The following NRXN1 variants were observed in gnomAD, a reference collection of about 807,000 sequenced individuals.
The protein encoded by NRXN1 is neurexin 1, also known as neurexin-1.
NRXN1 carries 39 observed loss-of-function variants against 150.9 expected under a neutral mutation model. That is an observed-to-expected ratio of 0.26 (90% CI 0.20 to 0.34). The LOEUF (loss-of-function observed/expected upper bound fraction) is 0.34. Among genes scored for constraint, NRXN1 ranks in the 10% least tolerant of loss-of-function variants. NRXN1 has a pLI of 1.00. For missense variants in NRXN1, 1,815 were observed against 1,949.9 expected (o/e 0.93, Z 1.30); for synonymous variants, 924 against 757.0 (o/e 1.22, Z -3.62).
chr2:50,866,130 A>T (rs1425081352), intron 5 of NRXN1, among the ~76,000 whole-genome samples: 2 of 151,862 alleles, frequency 1.3e-5, no homozygotes, highest in African/African-American at 4.8e-5. Context: ...ATCAAATTTA[A>T]TATGTAAATG....
At chr2:50,555,323 T>A (rs923238473) in intron 8 of NRXN1, among the ~76,000 whole-genome samples, 8 of 152,140 alleles carry the variant, frequency 5.3e-5, no homozygotes, top group Non-Finnish European at 7.4e-5. Context: ...GTCTCTTGAA[T>A]CTGACATCAG....
At chr2:50,869,073 C>A (rs1252266800) in intron 5 of NRXN1, among the ~76,000 whole-genome samples, 1 of 151,794 alleles carries the variant, frequency 6.6e-6, no homozygotes, top group Non-Finnish European at 1.5e-5. Flanking sequence ...CCTTCAGACA[C>A]AATGCCATTG....
intron 5 of NRXN1, among the ~76,000 whole-genome samples, chr2:50,746,326 G>A (rs529210023): frequency 1.3e-4 from 20 of 152,166 alleles, no homozygotes; most frequent in African/African-American, 4.8e-4. Flanking sequence ...GGGAGACTCA[G>A]GCAGGAGGAC....
At chr2:49,954,688 T>C (rs1326805035) in intron 21 of NRXN1, among the ~76,000 whole-genome samples, 1 of 152,174 alleles carries the variant, frequency 6.6e-6, no homozygotes, top group Non-Finnish European at 1.5e-5. Context: ...ACTTTACCTA[T>C]GGTTTGTCTT....
chr2:50,802,661 G>T (rs1456830647), intron 5 of NRXN1, among the ~76,000 whole-genome samples: 1 of 151,808 alleles, frequency 6.6e-6, no homozygotes. Flanking sequence ...AGGAAGGAAA[G>T]AAAATAGAAA....
At chr2:50,996,648 G>A (rs1435389306) in intron 2 of NRXN1, among the ~76,000 whole-genome samples, 1 of 152,036 alleles carries the variant, frequency 6.6e-6, no homozygotes, top group African/African-American at 2.4e-5. Flanking sequence ...AAGACGAAAA[G>A]CTTAGACTTC....
chr2:50,832,439 G>A (rs1165533537), intron 5 of NRXN1, among the ~76,000 whole-genome samples: 1 of 152,024 alleles, frequency 6.6e-6, no homozygotes, highest in Non-Finnish European at 1.5e-5. Context: ...ATCACCTGTG[G>A]GTCAGGAGTT....
At chr2:50,931,604 A>G (rs1260672999) in intron 2 of NRXN1, among the ~76,000 whole-genome samples, 1 of 152,080 alleles carries the variant, frequency 6.6e-6, no homozygotes, top group Non-Finnish European at 1.5e-5. Context: ...AACAGCTTGG[A>G]AGGAAGCTAT....
chr2:50,093,180 T>C (rs1901703), intron 18 of NRXN1, among the ~76,000 whole-genome samples: 129 of 152,308 alleles, frequency 8.5e-4, no homozygotes, highest in Non-Finnish European at 1.3e-3. Flanking sequence ...CATTGGACTT[T>C]TGCTGTTTGT....
At chr2:50,740,746 T>C (rs1480334531) in intron 5 of NRXN1, among the ~76,000 whole-genome samples, 1 of 152,108 alleles carries the variant, frequency 6.6e-6, no homozygotes, top group East Asian at 1.9e-4. Context: ...TGTTCCTATA[T>C]TTAGTGTAGG....
intron 17 of NRXN1, among the ~76,000 whole-genome samples, chr2:50,368,894 C>T (rs756812418): frequency 6.6e-6 from 1 of 151,924 alleles, no homozygotes; most frequent in African/African-American, 2.4e-5. Context: ...TTTCCCCTGC[C>T]TAAGATCTTG....
chr2:50,421,020 T>TGTGTG (rs2083951926), intron 17 of NRXN1, among the ~76,000 whole-genome samples: 1 of 120,728 alleles, frequency 8.3e-6, no homozygotes, highest in Non-Finnish European at 1.9e-5. Context: ...GTGTGTGTGT[T>TGTGTG]TCACATTGTT....
intron 2 of NRXN1, among the ~76,000 whole-genome samples, chr2:50,945,309 A>G (rs1169430354): frequency 2.0e-5 from 3 of 152,098 alleles, no homozygotes; most frequent in African/African-American, 7.2e-5. Context: ...CCACATCTCT[A>G]CAAAAATTAG....
chr2:50,538,208 AC>A, intron 10 of NRXN1, 44 bp downstream of exon 10: 6 of 1,571,262 alleles, frequency 3.8e-6, no homozygotes, highest in Non-Finnish European at 5.2e-6. Flanking sequence ...CATTTAATAA[AC>A]TTTTCATCTC....
intron 18 of NRXN1, among the ~76,000 whole-genome samples, chr2:50,194,707 T>A (rs1393346479): frequency 6.6e-6 from 1 of 152,138 alleles, no homozygotes; most frequent in Non-Finnish European, 1.5e-5. Flanking sequence ...AATTTAAACA[T>A]AATTTTTATG....
At chr2:50,221,000 G>T (rs553969367) in intron 18 of NRXN1, among the ~76,000 whole-genome samples, 1 of 151,940 alleles carries the variant, frequency 6.6e-6, no homozygotes, top group African/African-American at 2.4e-5. Flanking sequence ...TGCTAATCTC[G>T]TGTTATCAAT....
At chr2:50,171,939 G>T (rs1305392191) in intron 18 of NRXN1, among the ~76,000 whole-genome samples, 1 of 152,084 alleles carries the variant, frequency 6.6e-6, no homozygotes, top group Non-Finnish European at 1.5e-5. Context: ...GCTCTGAAGA[G>T]GAGTCTACAG....
intron 17 of NRXN1, among the ~76,000 whole-genome samples, chr2:50,353,842 T>C (rs545137805): frequency 8.5e-5 from 13 of 152,266 alleles, no homozygotes; most frequent in African/African-American, 3.1e-4. Context: ...CAAACTTTAG[T>C]GTGCATAGAA....
At chr2:50,572,235 G>C (rs1469647047) in intron 8 of NRXN1, among the ~76,000 whole-genome samples, 1 of 152,172 alleles carries the variant, frequency 6.6e-6, no homozygotes, top group African/African-American at 2.4e-5. Flanking sequence ...CAAACAACCA[G>C]CCAGGTCATT....
Sources: gnomAD v4.1 joint callset for allele counts (sites outside exome capture counted in the v4.1 genomes callset) on GRCh38, gnomAD v4.1.1 for gene constraint, MANE v1.5 for transcripts, NCBI Gene and HGNC (gene_info 2026-07-23, HGNC 2026-07-21) for gene names.